The following CDH23 variants were observed in gnomAD, a reference collection of about 807,000 sequenced individuals.
CDH23 encodes the protein cadherin-23.
Under a neutral mutation model 317.1 loss-of-function variants are expected in CDH23, and 189 were observed. That is an observed-to-expected ratio of 0.60 (90% CI 0.53 to 0.67). CDH23 has a LOEUF of 0.67. CDH23 is among the 30% of genes least tolerant of loss of function. CDH23 has a pLI of 0.00. For missense variants in CDH23, 4,401 were observed against 4,592.4 expected (o/e 0.96, Z 1.20); for synonymous variants, 1,839 against 1,876.8 (o/e 0.98, Z 0.52).
Position 71,797,155 on chromosome 10 carries a change from A to G in CDH23, c.6764A>G (p.Glu2255Gly). ...PMNRELVATY[E>G]VTLSVIDNAS... ...AATCGGGAGCTGGTTGCCACCTATGAGGTCACTCTCTCAGTGATTGACAAT... is the reference window on the plus strand; with the variant it reads ...AATCGGGAGCTGGTTGCCACCTATGGGGTCACTCTCTCAGTGATTGACAAT... Residue 2255 changes from glutamate to glycine, a missense_variant, in exon 49 of 70, where the codon GAG becomes GGG. Transcript: ENST00000224721. The G allele has an allele frequency of 6.2e-7, 1 of 1,613,736 alleles. No homozygotes were observed. Among genetic ancestry groups the G allele is most frequent in the Non-Finnish European group, 8.5e-7 (1 of 1,179,804 alleles).
In CDH23 at chr10:71,596,768, C is replaced by T. The variant is rs116631157; in HGVS notation, c.833-18736C>T. On this transcript the variant is annotated intron_variant, in intron 9 of 69. Transcript: ENST00000224721. ...CCAAGTTGCAGAAAGTGCTGGAAGC[C>T]AGGTGGACTTGCCGTGTTGGGCAGG... is the stretch of plus-strand genomic sequence containing the variant. 1.5e-3 allele frequency among the ~76,000 whole-genome samples: 236 copies of T among 152,276 alleles called. 1 individual carries two copies. Among genetic ancestry groups the T allele is most frequent in the African/African-American group, 5.3e-3 (221 of 41,536 alleles).
In CDH23 at chr10:71,815,571, G is replaced by A. The variant is rs1842106538; in HGVS notation, c.*293G>A. On this transcript the variant is annotated 3_prime_UTR_variant, in exon 70 of 70. Transcript: ENST00000224721. The stretch of plus-strand genomic sequence containing the variant: ...GGGTCACTGGGGCCCAAGAGTCTGG[G>A]GACCAGCTTGGCTCAGGCTGAGCTG... 3.5e-6 allele frequency: 1 copy of A among 285,680 alleles called. No individual in the cohort carries two copies. The highest frequency in any genetic ancestry group is 6.6e-6 in the Non-Finnish European group (1 of 152,402). 17.7% of individuals were successfully genotyped at this position (285,680 alleles called of 1,614,324 possible). A position where few individuals can be genotyped will look rare whatever the true frequency, so the allele number is the denominator to read the frequency against.
intron 38 of CDH23, among the ~76,000 whole-genome samples, chr10:71,752,294 G>A (rs1219173725): frequency 2.0e-5 from 3 of 152,224 alleles, no homozygotes; most frequent in Non-Finnish European, 4.4e-5. Flanking sequence ...TTGGGAGTGG[G>A]ATAACTTCTG....
chr10:71,790,503 T>C (rs1841219136), intron 46 of CDH23, 90 bp downstream of exon 46: 2 of 1,511,212 alleles, frequency 1.3e-6, no homozygotes, highest in Non-Finnish European at 1.8e-6. Flanking sequence ...TTCTCAGTGC[T>C]GGACCCAGGC....
chr10:71,753,310 T>C (rs1198973417), intron 38 of CDH23, among the ~76,000 whole-genome samples: 1 of 152,256 alleles, frequency 6.6e-6, no homozygotes. Context: ...CTTTCTCCTA[T>C]GGCTTGACTT....
intron 25 of CDH23, 114 bp downstream of exon 25, chr10:71,705,244 G>A: frequency 2.0e-6 from 2 of 993,352 alleles, no homozygotes; most frequent in South Asian, 1.7e-5. Context: ...GGACTTGTAG[G>A]CACAGGCTCC....
At chr10:71,525,879 C>T (rs148138883) in intron 6 of CDH23, among the ~76,000 whole-genome samples, 24 of 152,306 alleles carry the variant, frequency 1.6e-4, no homozygotes, top group African/African-American at 5.8e-4. Flanking sequence ...CATGTGCCAA[C>T]CCCACCCTCA....
intron 11 of CDH23, among the ~76,000 whole-genome samples, chr10:71,617,874 C>A (rs1589266943): frequency 6.6e-6 from 1 of 152,070 alleles, no homozygotes; most frequent in South Asian, 2.1e-4. Context: ...CACCTGTAAT[C>A]CCAGCTACGT....
At chr10:71,437,549 T>C (rs1364100288) in intron 1 of CDH23, among the ~76,000 whole-genome samples, 2 of 152,260 alleles carry the variant, frequency 1.3e-5, no homozygotes, top group African/African-American at 4.8e-5. Context: ...TCCATTATTC[T>C]CAAAGTAAAC....
chr10:71,651,028 T>C (rs976694127), intron 14 of CDH23, among the ~76,000 whole-genome samples: 5 of 152,236 alleles, frequency 3.3e-5, no homozygotes, highest in African/African-American at 1.2e-4. Flanking sequence ...ATGTGAGTCT[T>C]GTACTTATAA....
chr10:71,679,603 C>A, intron 17 of CDH23, 111 bp downstream of exon 17: 1 of 875,720 alleles, frequency 1.1e-6, no homozygotes, highest in Non-Finnish European at 1.8e-6. Context: ...CCCTGACACT[C>A]TGGGCTACTC....
intron 18 of CDH23, among the ~76,000 whole-genome samples, chr10:71,684,173 G>A (rs1191349706): frequency 6.6e-6 from 1 of 151,510 alleles, no homozygotes; most frequent in Admixed American, 6.6e-5. Context: ...GGTAGGGAAC[G>A]ATAATGCATT....
At chr10:71,739,539 C>T in intron 35 of CDH23, 105 bp from the exon 36 acceptor site, 1 of 1,408,478 alleles carries the variant, frequency 7.1e-7, no homozygotes, top group Non-Finnish European at 9.6e-7. Context: ...CCTTGCTCAA[C>T]AGAGGGCCCA....
chr10:71,566,206 C>T (rs74902425), intron 6 of CDH23, among the ~76,000 whole-genome samples: 107 of 152,282 alleles, frequency 7.0e-4, no homozygotes, highest in African/African-American at 2.3e-3. Context: ...CCTGCCCATT[C>T]AGGTTGACAC....
At chr10:71,517,929 A>G (rs938280182) in intron 6 of CDH23, among the ~76,000 whole-genome samples, 14 of 151,934 alleles carry the variant, frequency 9.2e-5, no homozygotes, top group African/African-American at 3.4e-4. Context: ...ACATGCCTGG[A>G]GCCCTGCTCT....
intron 14 of CDH23, among the ~76,000 whole-genome samples, chr10:71,670,554 TG>T (rs748265516): frequency 7.9e-5 from 12 of 151,906 alleles, no homozygotes; most frequent in Non-Finnish European, 1.0e-4. Context: ...GGGATGGGCC[TG>T]GGGGGTGGAT....
At chr10:71,778,129 G>T (rs1840860979) in intron 39 of CDH23, 60 bp from the exon 40 acceptor site, 1 of 1,602,816 alleles carries the variant, frequency 6.2e-7, no homozygotes, top group Non-Finnish European at 8.5e-7. Context: ...AAATTGGTCA[G>T]AGGGTGCTGC....
At chr10:71,453,998 G>A (rs1255346076) in intron 3 of CDH23, among the ~76,000 whole-genome samples, 1 of 152,212 alleles carries the variant, frequency 6.6e-6, no homozygotes, top group Non-Finnish European at 1.5e-5. Flanking sequence ...ACTTTGGTTG[G>A]AGTTAAGATG....
In CDH23 at chr10:71,810,453, A is replaced by G. The variant is rs368773944; in HGVS notation, c.8980-19A>G. 4.4e-5 allele frequency: 71 copies of G among 1,612,692 alleles called. No individual in the cohort carries two copies. Among genetic ancestry groups the G allele is most frequent in the African/African-American group, 8.0e-5 (6 of 74,876 alleles). On this transcript the variant is annotated intron_variant, in intron 61 of 69. Coordinates refer to ENST00000224721, the MANE Select transcript of CDH23 (RefSeq NM_022124.6). ...CCCTGCTGTGGTGGCCACACCCTAC[A>G]ATACCCCTTCTCATCTAGTTCCATG...
Sources: allele counts gnomAD v4.1 joint callset (sites outside exome capture counted in the v4.1 genomes callset), GRCh38; gene constraint gnomAD v4.1.1; transcripts MANE v1.5; gene names NCBI Gene and HGNC (gene_info 2026-07-23, HGNC 2026-07-21).